The following CTNNBL1 variants were observed in gnomAD, a reference collection of about 807,000 sequenced individuals.
CTNNBL1 encodes the protein catenin beta like 1, also known as beta-catenin-like protein 1.
Under a neutral mutation model 72.7 loss-of-function variants are expected in CTNNBL1, and 31 were observed. That is an observed-to-expected ratio of 0.43 (90% confidence interval 0.32 to 0.58). CTNNBL1 has a LOEUF of 0.58. Ranked by LOEUF, CTNNBL1 falls within the 20% of genes least tolerant of loss-of-function variation. The pLI, the probability that CTNNBL1 is intolerant of heterozygous loss-of-function variation, is 0.08. For synonymous variants in CTNNBL1, 240 were observed against 267.3 expected (o/e 0.90, Z 1.00); for missense variants, 534 against 725.1 (o/e 0.74, Z 3.03).
chr20:37,825,490 C>A (rs1017098846), intron 11 of CTNNBL1, among the ~76,000 whole-genome samples: 1 of 152,060 alleles, frequency 6.6e-6, no homozygotes, highest in Non-Finnish European at 1.5e-5. Context: ...GCCTGCCCAA[C>A]GTGGTGAAAC....
chr20:37,863,489 G>A lies in CTNNBL1; in HGVS notation c.1603+3145G>A, dbSNP rs73621920. On this transcript the variant is annotated intron_variant, in intron 15 of 15. Coordinates refer to ENST00000361383, the MANE Select transcript of CTNNBL1 (RefSeq NM_030877.5). ...GCACGGAGGCAGTTATGTAAGCAGGGAGGGAGCCACTTCTCCTCCTCAGGA... is the reference window on the plus strand; with the variant it reads ...GCACGGAGGCAGTTATGTAAGCAGGAAGGGAGCCACTTCTCCTCCTCAGGA... Among the ~76,000 whole-genome samples the A allele has an allele frequency of 1.4e-4, 22 of 152,324 alleles. 1 individual carries two copies. In the East Asian group the frequency reaches 4.1e-3, roughly 28 times the overall value.
At chr20:37,785,489 A>C (rs2073665052) in intron 10 of CTNNBL1, among the ~76,000 whole-genome samples, 1 of 152,062 alleles carries the variant, frequency 6.6e-6, no homozygotes, top group Non-Finnish European at 1.5e-5. Flanking sequence ...TGTATTTTCA[A>C]ATAGCCTGTC....
chr20:37,781,122 T>C (rs2073621882), intron 10 of CTNNBL1, among the ~76,000 whole-genome samples: 1 of 152,136 alleles, frequency 6.6e-6, no homozygotes, highest in African/African-American at 2.4e-5. Flanking sequence ...TTTAGCTGAT[T>C]TTTGCTAGCT....
At chr20:37,738,376 T>C (rs1314544568) in intron 3 of CTNNBL1, among the ~76,000 whole-genome samples, 1 of 152,252 alleles carries the variant, frequency 6.6e-6, no homozygotes, top group Admixed American at 6.5e-5. Flanking sequence ...CATGAGATGA[T>C]AGTTAACGTG....
chr20:37,785,494 C>T (rs1379708505), intron 10 of CTNNBL1, among the ~76,000 whole-genome samples: 1 of 152,038 alleles, frequency 6.6e-6, no homozygotes, highest in Admixed American at 6.6e-5. Context: ...TTTCAAATAG[C>T]CTGTCTTCAA....
Position 37,716,901 on chromosome 20 carries a change from A to G in CTNNBL1, c.31-15978A>G, listed in dbSNP as rs138812066. 1.8e-3 allele frequency among the ~76,000 whole-genome samples: 277 copies of G among 152,356 alleles called. 1 individual carries two copies. The highest frequency in any genetic ancestry group is 6.4e-3 in the African/African-American group (266 of 41,572). ...TATTGAATAACAGACTTATATGGAT[A>G]CATTTTAAGCTTTTGAAGAAACAAT... On this transcript the variant is annotated intron_variant, in intron 1 of 15. Transcript: ENST00000361383.
intron 11 of CTNNBL1, among the ~76,000 whole-genome samples, chr20:37,823,047 G>A (rs1432954415): frequency 6.6e-6 from 1 of 152,294 alleles, no homozygotes; most frequent in Non-Finnish European, 1.5e-5. Flanking sequence ...ATATATTGTT[G>A]ATTGTACCCG....
intron 1 of CTNNBL1, among the ~76,000 whole-genome samples, chr20:37,703,997 G>A (rs1366195615): frequency 1.3e-5 from 2 of 151,918 alleles, no homozygotes; most frequent in Non-Finnish European, 2.9e-5. Context: ...GGTTGGTCTC[G>A]AACTCCTGAC....
intron 10 of CTNNBL1, among the ~76,000 whole-genome samples, chr20:37,791,163 G>C (rs1025163125): frequency 1.3e-5 from 2 of 152,194 alleles, no homozygotes; most frequent in African/African-American, 4.8e-5. Context: ...CTTGTTGAAG[G>C]ATATTTGGGT....
At chr20:37,855,798 C>T (rs1056026649) in intron 13 of CTNNBL1, among the ~76,000 whole-genome samples, 10 of 152,210 alleles carry the variant, frequency 6.6e-5, no homozygotes, top group African/African-American at 2.4e-4. Flanking sequence ...ACCATCAGCT[C>T]GCCCTCCAAG....
chr20:37,726,034 A>T (rs1474171645), intron 1 of CTNNBL1, among the ~76,000 whole-genome samples: 3 of 152,220 alleles, frequency 2.0e-5, no homozygotes, highest in Admixed American at 1.3e-4. Context: ...GCATACATAT[A>T]TGCATAAATG....
At chr20:37,720,523 G>A (rs1371699508) in intron 1 of CTNNBL1, among the ~76,000 whole-genome samples, 1 of 152,160 alleles carries the variant, frequency 6.6e-6, no homozygotes, top group Non-Finnish European at 1.5e-5. Flanking sequence ...CTAAAAAAAA[G>A]GTGGTGGTAA....
chr20:37,868,933 A>G (rs1345986017), intron 15 of CTNNBL1, among the ~76,000 whole-genome samples: 1 of 152,138 alleles, frequency 6.6e-6, no homozygotes, highest in Admixed American at 6.5e-5. Context: ...GGGATATTAG[A>G]TGCCATAATG....
At chr20:37,806,634 T>G (rs1474904641) in intron 11 of CTNNBL1, among the ~76,000 whole-genome samples, 1 of 152,218 alleles carries the variant, frequency 6.6e-6, no homozygotes, top group Admixed American at 6.5e-5. Context: ...CCATGTTCAC[T>G]CTGGGGCAGG....
At chr20:37,852,484 C>A (rs986010850) in intron 13 of CTNNBL1, among the ~76,000 whole-genome samples, 1 of 152,158 alleles carries the variant, frequency 6.6e-6, no homozygotes, top group Non-Finnish European at 1.5e-5. Context: ...AAGTGTGTCT[C>A]CAGCTTGAGG....
chr20:37,871,124 T>A (rs2072580182), intron 15 of CTNNBL1, among the ~76,000 whole-genome samples: 1 of 152,212 alleles, frequency 6.6e-6, no homozygotes, highest in East Asian at 1.9e-4. Flanking sequence ...GGAGACTCAA[T>A]AAATCCCAGA....
At chr20:37,836,434 A>G (rs532044755) in intron 11 of CTNNBL1, among the ~76,000 whole-genome samples, 2 of 152,188 alleles carry the variant, frequency 1.3e-5, no homozygotes, top group Admixed American at 6.5e-5. Context: ...TGACTTTTGC[A>G]TATATTGTTC....
intron 4 of CTNNBL1, among the ~76,000 whole-genome samples, chr20:37,746,992 G>A (rs984368803): frequency 2.0e-5 from 3 of 152,228 alleles, no homozygotes; most frequent in Admixed American, 2.0e-4. Flanking sequence ...ATGGTCCAGT[G>A]GAGTTGAGAC....
At chr20:37,845,323 TATC>T (rs1310666470) in intron 13 of CTNNBL1, among the ~76,000 whole-genome samples, 2 of 152,326 alleles carry the variant, frequency 1.3e-5, no homozygotes, top group African/African-American at 4.8e-5. Context: ...GATTATCTAT[TATC>T]AGCATTGAAG....
Sources: gnomAD v4.1 joint callset for allele counts (sites outside exome capture counted in the v4.1 genomes callset) on GRCh38, gnomAD v4.1.1 for gene constraint, MANE v1.5 for transcripts, NCBI Gene and HGNC (gene_info 2026-07-23, HGNC 2026-07-21) for gene names.